The following TRAF3IP3 variants were observed in gnomAD, a reference collection of about 807,000 sequenced individuals.
TRAF3IP3 encodes the protein TRAF3-interacting JNK-activating modulator.
TRAF3IP3 carries 64 observed loss-of-function variants against 86.5 expected under a neutral mutation model. The ratio of observed to expected loss-of-function variants is 0.74; its 90% CI spans 0.60 to 0.91. The LOEUF is 0.91. Among genes scored for constraint, TRAF3IP3 ranks in the 40% least tolerant of loss-of-function variants. TRAF3IP3 has a pLI of 0.00. For missense variants in TRAF3IP3, 579 were observed against 642.9 expected, an observed-to-expected ratio of 0.90 and a Z score of 1.07; for synonymous variants, 220 against 243.9, an observed-to-expected ratio of 0.90 and a Z score of 0.91.
At chr1:209,770,879 GAGGTGTGCGTGTGCAGGTGA>G (rs1558019710) in intron 8 of TRAF3IP3, among the ~76,000 whole-genome samples, 106 of 142,590 alleles carry the variant, frequency 7.4e-4, no homozygotes, top group Middle Eastern at 4.3e-3. Flanking sequence ...GTGCCATGTG[GAGGTGTGCGTGTGCAGGTGA>G]AGGTGTGCGT....
intron 14 of TRAF3IP3, 81 bp from the exon 15 acceptor site, chr1:209,780,389 C>G (rs1359887469): frequency 1.5e-6 from 2 of 1,326,626 alleles, no homozygotes; most frequent in East Asian, 2.7e-5. Flanking sequence ...CCCCTCTCCC[C>G]ACTCCTAGTG....
At position 209,771,297 on chromosome 1, in the gene TRAF3IP3, G is replaced by A. The variant is rs551366351; in HGVS notation, c.703-1651G>A. Reference sequence around the variant, plus strand: ...TGTGCATCTGCATGTGAAGGTGTGCGTGTGCATGTGAAGGTGTGTGTGTGC... The same window carrying A: ...TGTGCATCTGCATGTGAAGGTGTGCATGTGCATGTGAAGGTGTGTGTGTGC... On this transcript the variant is annotated intron_variant, in intron 8 of 16. Coordinates refer to ENST00000367025, the MANE Select transcript of TRAF3IP3 (RefSeq NM_025228.4). Among the ~76,000 whole-genome samples the A allele has an allele frequency of 8.2e-5, 12 of 146,048 alleles. No homozygotes were observed. The South Asian group carries it at 1.5e-3, about 19-fold the overall frequency.
chr1:209,762,798 T>C lies in TRAF3IP3; in HGVS notation c.494-15T>C, dbSNP rs747112877. 8 of 1,514,110 alleles carry C rather than the reference T, an allele frequency of 5.3e-6. No individual in the cohort carries two copies. The South Asian group carries it at 6.7e-5, about 13-fold the overall frequency. The allele number at this position is 1,514,110 out of a possible 1,614,324, so 93.8% of individuals were successfully genotyped here. A position where few individuals can be genotyped will look rare whatever the true frequency, so the allele number is the denominator to read the frequency against. On this transcript the variant is annotated splice_polypyrimidine_tract_variant and intron_variant, in intron 4 of 16. Transcript: ENST00000367025. ...TCCCTGTAAGTTCTAAATCAACTTA[T>C]CCTCCATCTCTCAGGTACTCAGACA...
At chr1:209,768,710 C>T in intron 8 of TRAF3IP3, 1 of 985,316 alleles carries the variant, frequency 1.0e-6, no homozygotes. Context: ...TTTATATGCC[C>T]TCTGAGCCCT....
chr1:209,775,527 C>T (rs746845517), intron 10 of TRAF3IP3, 38 bp downstream of exon 10: 4 of 1,614,164 alleles, frequency 2.5e-6, no homozygotes, highest in Non-Finnish European at 3.4e-6. Flanking sequence ...CTGGGGACTC[C>T]AGGCAGCTTG....
chr1:209,767,041 A>G (rs1012945744), intron 8 of TRAF3IP3, among the ~76,000 whole-genome samples: 1 of 152,222 alleles, frequency 6.6e-6, no homozygotes, highest in African/African-American at 2.4e-5. Context: ...TGGGTATAGC[A>G]GAGTATGGCT....
At chr1:209,763,226 A>G (rs6540555) in intron 6 of TRAF3IP3, 134 bp downstream of exon 6, 342,174 of 1,361,676 alleles carry the variant, frequency 0.25, 50,512 homozygotes, top group African/African-American at 0.67. Flanking sequence ...GAGCATAGAC[A>G]TGGGGACTAA....
At chr1:209,765,229 G>GAGAGGGGGAGAGAGAGAGA (rs1558013047) in intron 8 of TRAF3IP3, among the ~76,000 whole-genome samples, 1 of 42,800 alleles carries the variant, frequency 2.3e-5, no homozygotes, top group East Asian at 6.2e-4. Flanking sequence ...GAGAGAGAGA[G>GAGAGGGGGAGAGAGAGAGA]GAAGGAAGGA....
At chr1:209,763,321 GGAC>G (rs2077281634) in intron 6 of TRAF3IP3, 39 bp from the exon 7 acceptor site, 4 of 1,606,384 alleles carry the variant, frequency 2.5e-6, no homozygotes, top group Non-Finnish European at 3.4e-6. Context: ...GGGTTTCAGG[GGAC>G]TTACAGACAT....
At chr1:209,781,222 G>T (rs1440350774) in intron 15 of TRAF3IP3, 123 bp from the exon 16 acceptor site, 2 of 605,708 alleles carry the variant, frequency 3.3e-6, no homozygotes, top group Non-Finnish European at 6.0e-6. Flanking sequence ...CCTGAGAATG[G>T]CTGGGAAGGG....
Position 209,777,609 on chromosome 1 carries a change from C to T in TRAF3IP3, c.1189+122C>T, listed in dbSNP as rs2077685725. The stretch of plus-strand genomic sequence containing the variant: ...TTTGTTTGCTTGATTGGTTGATTGG[C>T]TTTATAATCTCATTTTACCTTGAGG... On this transcript the variant is annotated intron_variant, in intron 12 of 16. Transcript: ENST00000367025. 4.7e-6 allele frequency: 5 copies of T among 1,058,702 alleles called. No homozygotes were observed. In the Admixed American group the frequency reaches 1.2e-4, roughly 25 times the overall value. The allele number at this position is 1,058,702 out of a possible 1,614,324, so 65.6% of individuals were successfully genotyped here.
intron 9 of TRAF3IP3, among the ~76,000 whole-genome samples, chr1:209,773,816 A>T (rs911739927): frequency 6.6e-6 from 1 of 152,196 alleles, no homozygotes. Context: ...TTCACAGGAG[A>T]CTAATATATA....
intron 9 of TRAF3IP3, among the ~76,000 whole-genome samples, chr1:209,773,318 G>A (rs999955374): frequency 4.6e-5 from 7 of 152,200 alleles, no homozygotes; most frequent in African/African-American, 7.2e-5. Flanking sequence ...CACTGTAGGG[G>A]AAGGCCCTTG....
At chr1:209,767,771 G>A (rs2077385924) in intron 8 of TRAF3IP3, among the ~76,000 whole-genome samples, 1 of 152,018 alleles carries the variant, frequency 6.6e-6, no homozygotes, top group African/African-American at 2.4e-5. Flanking sequence ...TGAGACTCTT[G>A]TAATATCCCA....
At chr1:209,756,586 T>A (rs2077158987) in intron 1 of TRAF3IP3, among the ~76,000 whole-genome samples, 1 of 152,186 alleles carries the variant, frequency 6.6e-6, no homozygotes, top group African/African-American at 2.4e-5. Context: ...GGCTACCCAG[T>A]GATATGGGCA....
intron 12 of TRAF3IP3, chr1:209,777,872 G>A (rs2077692119): frequency 5.1e-6 from 3 of 583,882 alleles, no homozygotes; most frequent in Middle Eastern, 4.4e-4. Context: ...TGATAGAGAG[G>A]ACTAGATAGT....
intron 8 of TRAF3IP3, among the ~76,000 whole-genome samples, chr1:209,765,816 T>G (rs1380401385): frequency 1.3e-5 from 2 of 152,224 alleles, no homozygotes; most frequent in Non-Finnish European, 2.9e-5. Flanking sequence ...AATCTATTGG[T>G]TTAAACATAA....
intron 15 of TRAF3IP3, 197 bp from the exon 16 acceptor site, chr1:209,781,148 C>T: frequency 2.4e-6 from 1 of 417,954 alleles, no homozygotes; most frequent in South Asian, 3.0e-5. Context: ...ATATGCATTA[C>T]TGTCAATCAT....
intron 8 of TRAF3IP3, among the ~76,000 whole-genome samples, chr1:209,765,871 A>G (rs540793173): frequency 6.6e-6 from 1 of 152,340 alleles, no homozygotes; most frequent in African/African-American, 2.4e-5. Context: ...AAAAAGTAAG[A>G]CTTTGCTGAT....
Sources: allele counts gnomAD v4.1 joint callset (sites outside exome capture counted in the v4.1 genomes callset), GRCh38; gene constraint gnomAD v4.1.1; transcripts MANE v1.5; gene names NCBI Gene and HGNC (gene_info 2026-07-23, HGNC 2026-07-21).